The following FGF2 variants were observed in gnomAD, a reference collection of about 807,000 sequenced individuals.
FGF2 encodes basic fibroblast growth factor bFGF.
In FGF2, 13 loss-of-function variants were observed where a neutral mutation model predicts 15.9. The observed-to-expected ratio is 0.82, with a 90% CI of 0.53 to 1.30. FGF2 has a LOEUF of 1.30. Ranked by LOEUF, FGF2 falls within the 50% of genes most tolerant of loss-of-function variation. The pLI is 0.00. For missense variants in FGF2, 163 were observed against 196.9 expected (o/e 0.83, Z 1.03); for synonymous variants, 90 against 78.4 (o/e 1.15, Z -0.78).
At chr4:122,856,465 A>C (rs1307298439) in intron 1 of FGF2, among the ~76,000 whole-genome samples, 1 of 152,218 alleles carries the variant, frequency 6.6e-6, no homozygotes, top group African/African-American at 2.4e-5. Flanking sequence ...TCTAACATGG[A>C]AATGGAAGTT....
intron 2 of FGF2, among the ~76,000 whole-genome samples, chr4:122,885,011 A>G (rs540526943): frequency 6.6e-6 from 1 of 152,228 alleles, no homozygotes; most frequent in Non-Finnish European, 1.5e-5. Flanking sequence ...GATCAAGGCG[A>G]TATTAGAAGC....
chr4:122,832,498 C>T (rs1332836391), intron 1 of FGF2, among the ~76,000 whole-genome samples: 1 of 152,210 alleles, frequency 6.6e-6, no homozygotes, highest in African/African-American at 2.4e-5. Flanking sequence ...CTGTCCACCT[C>T]AGCCTCCCAA....
chr4:122,836,470 C>A (rs905556038), intron 1 of FGF2, among the ~76,000 whole-genome samples: 7 of 152,114 alleles, frequency 4.6e-5, no homozygotes, highest in Admixed American at 2.0e-4. Flanking sequence ...TCTAAAAATT[C>A]TCTCTAATAG....
intron 1 of FGF2, among the ~76,000 whole-genome samples, chr4:122,872,348 A>C (rs1726758448): frequency 6.6e-6 from 1 of 152,216 alleles, no homozygotes; most frequent in African/African-American, 2.4e-5. Flanking sequence ...AGGAATGAAG[A>C]AAGCCTCCAA....
intron 1 of FGF2, among the ~76,000 whole-genome samples, chr4:122,833,143 C>CA (rs1233078876): frequency 5.3e-5 from 8 of 151,952 alleles, no homozygotes; most frequent in African/African-American, 1.9e-4. Context: ...ACCGGTGTAT[C>CA]TTTGATACTT....
At chr4:122,842,454 C>T (rs1290813293) in intron 1 of FGF2, among the ~76,000 whole-genome samples, 1 of 152,078 alleles carries the variant, frequency 6.6e-6, no homozygotes, top group Non-Finnish European at 1.5e-5. Context: ...TGGGAGAGAA[C>T]CAATTTGAAC....
chr4:122,877,103 G>C (rs1037579852), intron 2 of FGF2, among the ~76,000 whole-genome samples: 2 of 150,644 alleles, frequency 1.3e-5, no homozygotes, highest in African/African-American at 4.9e-5. Flanking sequence ...TCAGGAGAGG[G>C]ACTTTTTTTT....
chr4:122,876,188 C>G, intron 1 of FGF2, 133 bp from the exon 2 acceptor site: 1 of 707,102 alleles, frequency 1.4e-6, no homozygotes, highest in Non-Finnish European at 2.6e-6. Context: ...CTCACCCATA[C>G]CCCCAACCTC....
rs1318471602 is a variant in FGF2 at position 122,827,358 on chromosome 4, T to C, written c.178+6T>C. ...GGAGAAGAGCGACCCTCACAGTGAG[T>C]GCCGACCCGCTCTCTCCGCCTCATT... On this transcript the variant is annotated splice_donor_region_variant and intron_variant, in intron 1 of 2. Coordinates refer to ENST00000644866, the MANE Select transcript of FGF2 (RefSeq NM_001361665.2). The surrounding 1 kb of genome is among the most constrained non-coding windows in gnomAD (Gnocchi z 4.2). 2 of 1,612,532 alleles carry C rather than the reference T, an allele frequency of 1.2e-6. No homozygotes were observed. Among genetic ancestry groups the C allele is most frequent in the Admixed American group, 3.3e-5 (2 of 60,014 alleles).
chr4:122,875,749 G>C (rs1013194013), intron 1 of FGF2, among the ~76,000 whole-genome samples: 5 of 152,234 alleles, frequency 3.3e-5, no homozygotes, highest in Non-Finnish European at 5.9e-5. Flanking sequence ...AGAGGTTGCA[G>C]TGAGCCGTGA....
rs1727223129 is a variant in FGF2, at chr4:122,892,802, A to G, written c.*406A>G. ...TTTCTTATGTCATTCGTTAGTCTACATGTTTCTAAACATATAAATGTGAAT... is the reference window on the plus strand; with the variant it reads ...TTTCTTATGTCATTCGTTAGTCTACGTGTTTCTAAACATATAAATGTGAAT... On this transcript the variant is annotated 3_prime_UTR_variant, in exon 3 of 3. Transcript: ENST00000644866. 2.0e-6 allele frequency: 3 copies of G among 1,537,076 alleles called. No homozygotes were observed. The highest frequency in any genetic ancestry group is 4.5e-5 in the East Asian group (2 of 44,512).
intron 1 of FGF2, among the ~76,000 whole-genome samples, chr4:122,866,310 G>A (rs1460152275): frequency 4.0e-5 from 6 of 151,800 alleles, no homozygotes; most frequent in Non-Finnish European, 5.9e-5. Flanking sequence ...GGAGCTTGCA[G>A]TGAGCCGAGA....
chr4:122,850,971 A>G (rs952239528), intron 1 of FGF2, among the ~76,000 whole-genome samples: 5 of 152,202 alleles, frequency 3.3e-5, no homozygotes, highest in Admixed American at 2.0e-4. Context: ...AGTGTAAGAA[A>G]TAAGAACACA....
chr4:122,894,000 T>G lies in FGF2; in HGVS notation c.*1604T>G, dbSNP rs1364953793. The G allele has an allele frequency of 6.6e-6, 1 of 152,242 alleles. No individual in the cohort carries two copies. Among genetic ancestry groups the G allele is most frequent in the Admixed American group, 6.5e-5 (1 of 15,284 alleles). The allele number at this position is 152,242 out of a possible 1,614,324, so 9.4% of individuals were successfully genotyped here. ...TTCTTGTTTGTCAAATAGTAAATGATATTTGCCCTTGCAGTAATTCTACTG... is the reference window on the plus strand; with the variant it reads ...TTCTTGTTTGTCAAATAGTAAATGAGATTTGCCCTTGCAGTAATTCTACTG... On this transcript the variant is annotated 3_prime_UTR_variant, in exon 3 of 3. Transcript: ENST00000644866.
At position 122,895,771 on chromosome 4, in the gene FGF2, G is replaced by A. The variant is rs1685682218; in HGVS notation, c.*3375G>A. 6.6e-6 allele frequency: 1 copy of A among 152,210 alleles called. No individual in the cohort carries two copies. Among genetic ancestry groups the A allele is most frequent in the Admixed American group, 6.5e-5 (1 of 15,282 alleles). The allele number at this position is 152,210 out of a possible 1,614,324, so 9.4% of individuals were successfully genotyped here. A position where few individuals can be genotyped will look rare whatever the true frequency, so the allele number is the denominator to read the frequency against. On this transcript the variant is annotated 3_prime_UTR_variant, in exon 3 of 3. Transcript: ENST00000644866. ...TTACCTAGTATTATGAAAGAATGAA[G>A]GAGTTCAAACAAATGTGTTTCCCAG...
chr4:122,885,227 T>G (rs1322129507), intron 2 of FGF2, among the ~76,000 whole-genome samples: 1 of 152,230 alleles, frequency 6.6e-6, no homozygotes, highest in Non-Finnish European at 1.5e-5. Flanking sequence ...GAATTATATT[T>G]TTATTGTAAG....
intron 2 of FGF2, among the ~76,000 whole-genome samples, chr4:122,889,777 C>G (rs1184335155): frequency 6.6e-6 from 1 of 151,910 alleles, no homozygotes; most frequent in Non-Finnish European, 1.5e-5. Context: ...TATCATGTAT[C>G]CACTTAGTCC....
At chr4:122,830,455 G>A (rs1725740210) in intron 1 of FGF2, among the ~76,000 whole-genome samples, 1 of 152,140 alleles carries the variant, frequency 6.6e-6, no homozygotes, top group South Asian at 2.1e-4. Context: ...TCCTGAATTT[G>A]CACTCAAAAG....
chr4:122,846,739 C>T (rs1408531935), intron 1 of FGF2, among the ~76,000 whole-genome samples: 1 of 152,120 alleles, frequency 6.6e-6, no homozygotes, highest in Non-Finnish European at 1.5e-5. Context: ...AAGAATGTAT[C>T]CATGTATTAT....
Sources: allele counts gnomAD v4.1 joint callset (sites outside exome capture counted in the v4.1 genomes callset), GRCh38; gene constraint gnomAD v4.1.1; non-coding constraint Gnocchi (gnomAD v3.1); transcripts MANE v1.5; gene names NCBI Gene and HGNC (gene_info 2026-07-23, HGNC 2026-07-21).